Variants in CAPN10 observed in about 807,000 individuals in gnomAD.
CAPN10 encodes calpain 10, also known as calpain-10.
In CAPN10, 71 loss-of-function variants were observed where a neutral mutation model predicts 78.4. The ratio of observed to expected loss-of-function variants is 0.91; its 90% CI spans 0.75 to 1.10. The LOEUF (loss-of-function observed/expected upper bound fraction) is 1.10, where lower values mean the gene tolerates loss of function less well. Ranked by LOEUF, CAPN10 falls within the 50% of genes least tolerant of loss-of-function variation. The probability of loss-of-function intolerance (pLI) is 0.00; values close to 1 mark genes in which losing one functional copy is unlikely to be tolerated. For missense variants in CAPN10, 849 were observed against 924.6 expected (o/e 0.92, Z 1.06); for synonymous variants, 437 against 407.2 (o/e 1.07, Z -0.88).
rs2093153754 is a variant in CAPN10, at chr2:240,598,763, A to G, written c.*83A>G. On this transcript the variant is annotated 3_prime_UTR_variant, in exon 12 of 12. Transcript: ENST00000391984. ...CAGCAGCTGGGCCGGCCAGCCTTGCACTGTGGGGGCTGGTCCTGAGTCTTG... is the reference window on the plus strand; with the variant it reads ...CAGCAGCTGGGCCGGCCAGCCTTGCGCTGTGGGGGCTGGTCCTGAGTCTTG... The G allele has an allele frequency of 2.3e-6, 3 of 1,314,546 alleles. No individual in the cohort carries two copies. Among genetic ancestry groups the G allele is most frequent in the African/African-American group, 1.5e-5 (1 of 68,698 alleles). The allele number at this position is 1,314,546 out of a possible 1,614,324, so 81.4% of individuals were successfully genotyped here.
At chr2:240,591,107 G>A in intron 3 of CAPN10, 96 bp downstream of exon 3, 1 of 1,134,102 alleles carries the variant, frequency 8.8e-7, no homozygotes, top group Non-Finnish European at 1.3e-6. Flanking sequence ...ACTCTGGGCT[G>A]CAGAGCCCCC....
rs1340863138 is a variant in CAPN10, at chr2:240,589,403, G to A, written c.202G>A (p.Gly68Arg). The stretch of plus-strand genomic sequence containing the variant: ...CCCACGGGAAGGGCAGGTGAAGCAG[G>A]GGCTGCTGGGGGATTGCTGGTTCCT... ...DDPREGQVKQ[G>R]LLGDCWFLCA... Residue 68 changes from glycine to arginine, a missense_variant, in exon 2 of 12, where the codon GGG becomes AGG. By Grantham distance (125) the Gly-to-Arg change is moderately radical (BLOSUM62 -2). Transcript: ENST00000391984. 1.9e-6 allele frequency: 3 copies of A among 1,614,080 alleles called. No homozygotes were observed. The highest frequency in any genetic ancestry group is 1.1e-5 in the South Asian group (1 of 91,084).
Position 240,590,821 on chromosome 2 carries a change from C to T in CAPN10, c.280C>T (p.Pro94Ser). The change falls in exon 3 of 12, where the codon CCT (proline) becomes TCT (serine). Residue 94 changes from proline to serine, a missense_variant. By Grantham distance (74) the Pro-to-Ser change is moderately conservative (BLOSUM62 -1). Transcript: ENST00000391984. Reference protein sequence around the residue: ...KSRHLLDQVIPPGQPSWADQE... With the variant: ...KSRHLLDQVISPGQPSWADQE... ...TTCTCCCTGTGCATGGCAGGTCATTCCTCCGGGACAGCCGAGCTGGGCCGA... is the reference window on the plus strand; with the variant it reads ...TTCTCCCTGTGCATGGCAGGTCATTTCTCCGGGACAGCCGAGCTGGGCCGA... 1 of 1,614,002 alleles carries T rather than the reference C, an allele frequency of 6.2e-7. No individual in the cohort carries two copies. The highest frequency in any genetic ancestry group is 2.2e-5 in the East Asian group (1 of 44,882).
intron 2 of CAPN10, chr2:240,589,831 C>T (rs1294693363): frequency 4.4e-6 from 1 of 227,750 alleles, no homozygotes; most frequent in African/African-American, 2.3e-5. Context: ...TCAGATCTCT[C>T]CTCAGCTAGC....
intron 1 of CAPN10, among the ~76,000 whole-genome samples, chr2:240,587,993 C>A (rs752130191): frequency 6.6e-6 from 1 of 152,072 alleles, no homozygotes; most frequent in South Asian, 2.1e-4. Context: ...ATTAGCTTGA[C>A]GACTGTTAGG....
intron 10 of CAPN10, 113 bp downstream of exon 10, chr2:240,598,200 TC>T (rs58715822): frequency 0.59 from 796,588 of 1,357,722 alleles, 238,219 homozygotes; most frequent in East Asian, 0.64. Flanking sequence ...CCCCTATCTG[TC>T]CTGGCAGACC....
At chr2:240,589,844 G>A (rs1022498585) in intron 2 of CAPN10, 4 of 208,482 alleles carry the variant, frequency 1.9e-5, no homozygotes, top group Admixed American at 5.4e-5. Context: ...CAGCTAGCTC[G>A]CTGGTTTTCT....
At chr2:240,594,127 G>C in intron 5 of CAPN10, 80 bp downstream of exon 5, 1 of 1,431,770 alleles carries the variant, frequency 7.0e-7, no homozygotes, top group East Asian at 2.3e-5. Flanking sequence ...GTCACCTTCA[G>C]CTGTCAGGAC....
At chr2:240,598,321 C>T (rs1019706029) in intron 10 of CAPN10, 31 bp from the exon 11 acceptor site, 2 of 1,612,728 alleles carry the variant, frequency 1.2e-6, no homozygotes, top group Non-Finnish European at 1.7e-6. Context: ...CAAGTGCAGT[C>T]TGGGAGCGCT....
rs2975767 is a variant in CAPN10, at chr2:240,598,812, A to C, written c.*132A>C. On this transcript the variant is annotated 3_prime_UTR_variant, in exon 12 of 12. Coordinates refer to ENST00000391984, the MANE Select transcript of CAPN10 (RefSeq NM_023083.4). The stretch of plus-strand genomic sequence containing the variant: ...TGGCCTGCCTCCCAGCCCTGCCAGG[A>C]GGCTGCGGCCTAGGGGTCCACGGGA... 1 of 862,150 alleles carries C rather than the reference A, an allele frequency of 1.2e-6. No homozygotes were observed. Among genetic ancestry groups the C allele is most frequent in the Non-Finnish European group, 1.9e-6 (1 of 531,842 alleles). 53.4% of individuals were successfully genotyped at this position (862,150 alleles called of 1,614,324 possible).
At chr2:240,596,267 G>T (rs916988137) in intron 7 of CAPN10, 52 bp from the exon 8 acceptor site, 16 of 1,545,214 alleles carry the variant, frequency 1.0e-5, no homozygotes, top group Non-Finnish European at 1.3e-5. Flanking sequence ...CAAGGCCAGG[G>T]CGTCTGACCC....
In CAPN10 at chr2:240,586,775, G is replaced by A. The variant is rs1334539592; in HGVS notation, c.-137G>A. The A allele has an allele frequency of 2.0e-5, 16 of 806,984 alleles. No individual in the cohort carries two copies. Among genetic ancestry groups the A allele is most frequent in the South Asian group, 7.6e-5 (2 of 26,380 alleles). The allele number at this position is 806,984 out of a possible 1,614,324, so 50.0% of individuals were successfully genotyped here. On this transcript the variant is annotated 5_prime_UTR_variant, in exon 1 of 12. Transcript: ENST00000391984. ...GTACTGGCCTGGTCCAGCACCTGCG[G>A]GGCCCTCGGGCTTGGAGGGCTGGGC...
chr2:240,589,667 T>C, intron 2 of CAPN10, 193 bp downstream of exon 2: 1 of 703,628 alleles, frequency 1.4e-6, no homozygotes, highest in African/African-American at 1.8e-5. Context: ...CAGGGGGGGG[T>C]GCCTTGGCCT....
Position 240,594,725 on chromosome 2 carries a change from G to A in CAPN10, c.997+16G>A. Reference sequence around the variant, plus strand: ...CTCTACACAGGTAGTGCCCCGAGGGGCTGTGCTGGGCACGTGCTCTGCCTG... The same window carrying A: ...CTCTACACAGGTAGTGCCCCGAGGGACTGTGCTGGGCACGTGCTCTGCCTG... On this transcript the variant is annotated intron_variant, in intron 6 of 11. Coordinates refer to ENST00000391984, the MANE Select transcript of CAPN10 (RefSeq NM_023083.4). 1 of 1,604,618 alleles carries A rather than the reference G, an allele frequency of 6.2e-7. No homozygotes were observed. Among genetic ancestry groups the A allele is most frequent in the African/African-American group, 1.3e-5 (1 of 74,908 alleles).
intron 9 of CAPN10, 73 bp from the exon 10 acceptor site, chr2:240,597,815 C>T (rs999226337): frequency 2.9e-5 from 39 of 1,361,546 alleles, no homozygotes; most frequent in South Asian, 4.0e-5. Context: ...CAAGGGCATC[C>T]GAGCAGATGG....
In CAPN10 at chr2:240,598,046, A is replaced by C. The variant is rs764104620; in HGVS notation, c.1902A>C (p.Thr634=). Residue 634 remains threonine (T), a synonymous_variant, in exon 10 of 12, where the codon ACA becomes ACC. Transcript: ENST00000391984. ...TGCCCTCCACCTACCTGCCGGACAC[A>C]GAGGGGGCCTTCACAGTGACCATCG... is the stretch of plus-strand genomic sequence containing the variant. ...KVVPSTYLPD[T]EGAFTVTIAT... 1 of 1,612,670 alleles carries C rather than the reference A, an allele frequency of 6.2e-7. No homozygotes were observed. Among genetic ancestry groups the C allele is most frequent in the Non-Finnish European group, 8.5e-7 (1 of 1,179,502 alleles).
intron 1 of CAPN10, among the ~76,000 whole-genome samples, chr2:240,588,536 G>C (rs2093082307): frequency 6.6e-6 from 1 of 152,248 alleles, no homozygotes; most frequent in Admixed American, 6.5e-5. Context: ...CTGTTCTGCT[G>C]TTGTGAATGC....
intron 7 of CAPN10, 41 bp downstream of exon 7, chr2:240,595,345 G>A (rs866478372): frequency 6.3e-7 from 1 of 1,597,478 alleles, no homozygotes; most frequent in Admixed American, 1.7e-5. Flanking sequence ...TTCAGCAGGT[G>A]GTGTGGAGGC....
At chr2:240,592,503 A>T in intron 4 of CAPN10, 1 of 509,970 alleles carries the variant, frequency 2.0e-6, no homozygotes. Context: ...CGTTAAAAAC[A>T]GTTTGTCTCC....
Sources: allele counts gnomAD v4.1 joint callset (sites outside exome capture counted in the v4.1 genomes callset), GRCh38; gene constraint gnomAD v4.1.1; transcripts MANE v1.5; gene names NCBI Gene and HGNC (gene_info 2026-07-23, HGNC 2026-07-21).